Variants in ANKFN1 observed in about 807,000 individuals in gnomAD.
ANKFN1 encodes the protein ankyrin repeat and fibronectin type III domain containing 1.
Under a neutral mutation model 108.7 loss-of-function variants are expected in ANKFN1, and 74 were observed. The ratio of observed to expected loss-of-function variants is 0.68; its 90% CI spans 0.56 to 0.83. ANKFN1 has a LOEUF of 0.83. Among genes scored for constraint, ANKFN1 ranks in the 40% least tolerant of loss-of-function variants. The probability of loss-of-function intolerance (pLI) is 0.00; values close to 1 mark genes in which losing one functional copy is unlikely to be tolerated. For synonymous variants in ANKFN1, 547 were observed against 516.2 expected, an observed-to-expected ratio of 1.06 and a Z score of -0.81; for missense variants, 1,505 against 1,382.3, an observed-to-expected ratio of 1.09 and a Z score of -1.41.
intron 4 of ANKFN1, among the ~76,000 whole-genome samples, chr17:56,121,116 A>C (rs1312254514): frequency 6.6e-6 from 1 of 152,026 alleles, no homozygotes; most frequent in Non-Finnish European, 1.5e-5. Context: ...TATTTGAAAA[A>C]TAATGTCCAG....
chr17:56,319,160 G>A lies in ANKFN1; in HGVS notation c.54-7061G>A, dbSNP rs117585188. ...TCCTTCAGTATTTTGACTAATCAAC[G>A]AAACCGTTTTGACTTGTCTATTGAA... On this transcript the variant is annotated intron_variant, in intron 3 of 20. Transcript: ENST00000682825. 5.9e-3 allele frequency among the ~76,000 whole-genome samples: 902 copies of A among 152,260 alleles called. 4 individuals are homozygous for A. Among genetic ancestry groups the A allele is most frequent in the Admixed American group, 0.011 (162 of 15,280 alleles).
intron 8 of ANKFN1, among the ~76,000 whole-genome samples, chr17:56,385,026 A>T (rs545129041): frequency 6.6e-6 from 1 of 151,738 alleles, no homozygotes; most frequent in East Asian, 1.9e-4. Flanking sequence ...ATCCTAAGCC[A>T]AAAGAACAAA....
Position 56,090,220 on chromosome 17 carries a change from TGAG to T in ANKFN1, c.288+43896_288+43898del, listed in dbSNP as rs1198417527. 7.3e-5 allele frequency among the ~76,000 whole-genome samples: 11 copies of T among 151,336 alleles called. No individual in the cohort carries two copies. The East Asian group carries it at 1.4e-3, about 19-fold the overall frequency. ...GCTGTATAGTGTATGAGCCAGAATG[TGAG>T]CACTGAGTAGCAGGTGCGGGTAAGT... On this transcript the variant is annotated intron_variant, in intron 4 of 12. Coordinates refer to the ANKFN1 transcript ENST00000635860.
chr17:56,318,833 A>G (rs1472804861), intron 3 of ANKFN1, among the ~76,000 whole-genome samples: 3 of 152,318 alleles, frequency 2.0e-5, no homozygotes, highest in Admixed American at 6.5e-5. Flanking sequence ...GTCGTCATTG[A>G]TAATGATCTG....
chr17:56,399,733 G>C (rs929686536), intron 8 of ANKFN1, among the ~76,000 whole-genome samples: 1 of 151,486 alleles, frequency 6.6e-6, no homozygotes, highest in African/African-American at 2.4e-5. Context: ...ATGATGTTTG[G>C]CTTTCCGTTT....
chr17:56,196,908 C>A (rs979499645), intron 1 of ANKFN1, among the ~76,000 whole-genome samples: 5 of 152,206 alleles, frequency 3.3e-5, no homozygotes, highest in African/African-American at 1.2e-4. Flanking sequence ...CCTTTCTAAC[C>A]TGGCAATTTG....
intron 1 of ANKFN1, among the ~76,000 whole-genome samples, chr17:56,200,370 G>A (rs1430741075): frequency 1.3e-5 from 2 of 152,302 alleles, no homozygotes; most frequent in African/African-American, 2.4e-5. Flanking sequence ...CCATGAATTG[G>A]CTATTTGGCC....
At chr17:56,216,745 A>C (rs72833805) in intron 2 of ANKFN1, among the ~76,000 whole-genome samples, 6,898 of 152,270 alleles carry the variant, frequency 0.045, 182 homozygotes, top group Middle Eastern at 0.078. Flanking sequence ...CTGTAAAGCA[A>C]AGCCTCAGGT....
intron 4 of ANKFN1, among the ~76,000 whole-genome samples, chr17:56,090,492 T>C (rs9912513): frequency 0.39 from 58,903 of 150,876 alleles, 13,699 homozygotes; most frequent in South Asian, 0.51. Context: ...ATTGTCTCTG[T>C]GCTTAGGGTA....
intron 20 of ANKFN1, among the ~76,000 whole-genome samples, chr17:56,507,145 A>T (rs567589332): frequency 6.6e-6 from 1 of 152,312 alleles, no homozygotes; most frequent in East Asian, 1.9e-4. Context: ...TCAAATCCTC[A>T]GTTATGTTCT....
intron 8 of ANKFN1, among the ~76,000 whole-genome samples, chr17:56,375,399 A>G (rs1322336089): frequency 6.6e-6 from 1 of 152,208 alleles, no homozygotes; most frequent in Non-Finnish European, 1.5e-5. Context: ...CATGGCTCCG[A>G]AAAAGCATAG....
At chr17:56,452,950 A>G (rs1306028414) in intron 11 of ANKFN1, among the ~76,000 whole-genome samples, 1 of 152,220 alleles carries the variant, frequency 6.6e-6, no homozygotes, top group Non-Finnish European at 1.5e-5. Flanking sequence ...AAATGCAGAT[A>G]ATAATTATAT....
intron 14 of ANKFN1, chr17:56,463,914 C>T (rs758753243): frequency 3.3e-5 from 5 of 152,168 alleles, no homozygotes; most frequent in Non-Finnish European, 7.4e-5. Context: ...GTGCCTCTGC[C>T]TAGGGCTTAT....
At chr17:56,438,006 G>GTA (rs1491063503) in intron 8 of ANKFN1, among the ~76,000 whole-genome samples, 1 of 150,366 alleles carries the variant, frequency 6.7e-6, no homozygotes, top group Non-Finnish European at 1.5e-5. Flanking sequence ...GTGTGTGTGT[G>GTA]TATACATATA....
chr17:56,260,464 G>C (rs1397191403), intron 3 of ANKFN1, among the ~76,000 whole-genome samples: 1 of 152,066 alleles, frequency 6.6e-6, no homozygotes, highest in East Asian at 1.9e-4. Context: ...TTGGCAAATA[G>C]GGGCGGGTGG....
chr17:56,490,859 C>T (rs960900724), intron 18 of ANKFN1, among the ~76,000 whole-genome samples: 2 of 152,090 alleles, frequency 1.3e-5, no homozygotes, highest in African/African-American at 2.4e-5. Flanking sequence ...ACTCTCACCC[C>T]ATTCTTCTCT....
chr17:56,415,767 G>GAA (rs2048226298), intron 8 of ANKFN1, among the ~76,000 whole-genome samples: 1 of 152,144 alleles, frequency 6.6e-6, no homozygotes, highest in East Asian at 1.9e-4. Context: ...GCTATCCTGA[G>GAA]CAAAAAGAAC....
intron 8 of ANKFN1, among the ~76,000 whole-genome samples, chr17:56,408,028 G>A (rs1319612554): frequency 1.4e-5 from 2 of 138,886 alleles, no homozygotes; most frequent in Non-Finnish European, 3.0e-5. Flanking sequence ...TCCGCCTCCC[G>A]GGTTCAAGCG....
At chr17:56,174,370 C>T (rs1460159688) in intron 1 of ANKFN1, 1 of 985,538 alleles carries the variant, frequency 1.0e-6, no homozygotes, top group Non-Finnish European at 1.2e-6. Flanking sequence ...CATTCTGGGA[C>T]AGCTGGATTG....
Sources: gnomAD v4.1 joint callset for allele counts (sites outside exome capture counted in the v4.1 genomes callset) on GRCh38, gnomAD v4.1.1 for gene constraint, MANE v1.5 for transcripts, NCBI Gene and HGNC (gene_info 2026-07-23, HGNC 2026-07-21) for gene names.